DCC: variants seen among roughly 807,000 people sequenced by gnomAD.
The protein encoded by DCC is netrin receptor DCC.
DCC carries 58 observed loss-of-function variants against 172.5 expected under a neutral mutation model. The observed-to-expected ratio is 0.34, with a 90% CI of 0.27 to 0.42. The LOEUF is 0.42. DCC is among the 10% of genes least tolerant of loss of function. The pLI is 1.00. For synonymous variants in DCC, 709 were observed against 644.5 expected (o/e 1.10, Z -1.52); for missense variants, 1,740 against 1,791.0 (o/e 0.97, Z 0.51).
chr18:52,495,150 G>C (rs1031142842), intron 1 of DCC, among the ~76,000 whole-genome samples: 2 of 152,016 alleles, frequency 1.3e-5, no homozygotes, highest in Non-Finnish European at 2.9e-5. Flanking sequence ...GTCACCAAAG[G>C]ACTGTCAGAA....
intron 1 of DCC, among the ~76,000 whole-genome samples, chr18:52,392,497 A>G (rs543063982): frequency 6.6e-6 from 1 of 152,246 alleles, no homozygotes; most frequent in South Asian, 2.1e-4. Context: ...ATATGTGTAA[A>G]CCCAATTCAT....
intron 2 of DCC, among the ~76,000 whole-genome samples, chr18:52,884,396 T>TC (rs2039539738): frequency 6.6e-6 from 1 of 152,092 alleles, no homozygotes; most frequent in Non-Finnish European, 1.5e-5. Flanking sequence ...TTCCTTTTTT[T>TC]TTTATTTCCT....
intron 18 of DCC, among the ~76,000 whole-genome samples, chr18:53,400,496 T>C (rs1909231790): frequency 6.6e-6 from 1 of 152,108 alleles, no homozygotes; most frequent in African/African-American, 2.4e-5. Context: ...GAAGAATTTC[T>C]AGAAATCATT....
chr18:52,926,922 T>TATACACAC (rs756222061), intron 5 of DCC, among the ~76,000 whole-genome samples: 3 of 113,686 alleles, frequency 2.6e-5, no homozygotes, highest in Non-Finnish European at 6.2e-5. Context: ...CGTATACATA[T>TATACACAC]ATATGTATAT....
At chr18:52,558,525 G>A (rs942576412) in intron 1 of DCC, among the ~76,000 whole-genome samples, 2 of 152,046 alleles carry the variant, frequency 1.3e-5, no homozygotes, top group African/African-American at 4.8e-5. Flanking sequence ...TCTCCAGATT[G>A]CATATTTGCA....
intron 5 of DCC, among the ~76,000 whole-genome samples, chr18:52,928,289 G>GA (rs1568193104): frequency 6.6e-6 from 1 of 152,074 alleles, no homozygotes; most frequent in Admixed American, 6.6e-5. Context: ...GGCCTACTGA[G>GA]AGTGGAGGGT....
chr18:53,007,128 C>T (rs868398946), intron 5 of DCC, among the ~76,000 whole-genome samples: 16 of 152,132 alleles, frequency 1.1e-4, no homozygotes, highest in African/African-American at 3.6e-4. Flanking sequence ...GTACTCCAAG[C>T]TTTATACATA....
chr18:53,195,048 T>C (rs2055423504), intron 9 of DCC, among the ~76,000 whole-genome samples: 1 of 152,180 alleles, frequency 6.6e-6, no homozygotes, highest in Non-Finnish European at 1.5e-5. Flanking sequence ...ATAATCCTTA[T>C]GCTAGCTCTG....
chr18:53,014,329 C>T (rs1196967199), intron 5 of DCC, among the ~76,000 whole-genome samples: 4 of 151,966 alleles, frequency 2.6e-5, no homozygotes, highest in African/African-American at 4.8e-5. Flanking sequence ...ATGTGCACAA[C>T]GTGCAGGTTA....
chr18:52,385,276 A>G (rs180980217), intron 1 of DCC, among the ~76,000 whole-genome samples: 1 of 151,848 alleles, frequency 6.6e-6, no homozygotes. Context: ...TTTTATTTTT[A>G]TTTATTTATT....
intron 1 of DCC, among the ~76,000 whole-genome samples, chr18:52,588,603 A>G (rs182297329): frequency 1.9e-4 from 29 of 152,346 alleles, no homozygotes; most frequent in African/African-American, 6.5e-4. Context: ...AAAGGTACAT[A>G]TGAGAAGGGA....
intron 14 of DCC, among the ~76,000 whole-genome samples, chr18:53,329,011 C>T (rs2144842933): frequency 6.6e-6 from 1 of 152,230 alleles, no homozygotes; most frequent in East Asian, 1.9e-4. Flanking sequence ...GGAGAGTGTA[C>T]ATTCAGTACA....
At chr18:53,426,433 A>ACATT (rs1910963403) in intron 21 of DCC, among the ~76,000 whole-genome samples, 1 of 87,274 alleles carries the variant, frequency 1.1e-5, no homozygotes, top group Non-Finnish European at 3.0e-5. Context: ...TTATATATTT[A>ACATT]TATTATTTAT....
chr18:52,366,266 T>C (rs1371924749), intron 1 of DCC, among the ~76,000 whole-genome samples: 1 of 152,142 alleles, frequency 6.6e-6, no homozygotes, highest in Non-Finnish European at 1.5e-5. Context: ...CGGTGAGTGT[T>C]ACAGCTCTTA....
intron 5 of DCC, among the ~76,000 whole-genome samples, chr18:53,026,309 CTTTA>C (rs1393673022): frequency 2.0e-5 from 3 of 151,978 alleles, no homozygotes; most frequent in East Asian, 3.9e-4. Context: ...AATGATCTCT[CTTTA>C]TTTGTCTTTT....
intron 5 of DCC, among the ~76,000 whole-genome samples, chr18:52,957,184 A>G (rs1341974038): frequency 6.6e-6 from 1 of 152,146 alleles, no homozygotes. Flanking sequence ...AATATTTATG[A>G]TCATTTATGA....
At chr18:52,994,244 C>CTCTCA (rs1276320752) in intron 5 of DCC, among the ~76,000 whole-genome samples, 4 of 151,998 alleles carry the variant, frequency 2.6e-5, no homozygotes, top group South Asian at 4.2e-4. Flanking sequence ...TTTTTAAAGA[C>CTCTCA]CATCCTTGAG....
intron 1 of DCC, among the ~76,000 whole-genome samples, chr18:52,582,157 A>G (rs1474860589): frequency 2.6e-5 from 4 of 152,212 alleles, no homozygotes; most frequent in African/African-American, 9.6e-5. Flanking sequence ...AACTCTAAAT[A>G]TATTAAGTTT....
At chr18:53,242,068 CT>C (rs1258562152) in intron 12 of DCC, among the ~76,000 whole-genome samples, 10 of 152,176 alleles carry the variant, frequency 6.6e-5, no homozygotes, top group African/African-American at 2.4e-4. Flanking sequence ...AGTTTTCCTG[CT>C]TCTCTTTAGT....
Sources: allele counts gnomAD v4.1 joint callset (sites outside exome capture counted in the v4.1 genomes callset), GRCh38; gene constraint gnomAD v4.1.1; transcripts MANE v1.5; gene names NCBI Gene and HGNC (gene_info 2026-07-23, HGNC 2026-07-21).